FLT1: variants seen among roughly 807,000 people sequenced by gnomAD.
FLT1 encodes vascular endothelial growth factor receptor 1.
FLT1 carries 49 observed loss-of-function variants against 156.3 expected under a neutral mutation model. The ratio of observed to expected loss-of-function variants is 0.31; its 90% CI spans 0.25 to 0.40. The LOEUF (loss-of-function observed/expected upper bound fraction) is 0.40. Ranked by LOEUF, FLT1 falls within the 10% of genes least tolerant of loss-of-function variation. The probability of loss-of-function intolerance (pLI) is 1.00; values close to 1 mark genes in which losing one functional copy is unlikely to be tolerated. For missense variants in FLT1, 1,322 were observed against 1,637.2 expected, an observed-to-expected ratio of 0.81 and a Z score of 3.32; for synonymous variants, 594 against 583.8, an observed-to-expected ratio of 1.02 and a Z score of -0.25.
At chr13:28,462,108 A>T (rs1194603785) in intron 3 of FLT1, among the ~76,000 whole-genome samples, 4 of 152,144 alleles carry the variant, frequency 2.6e-5, no homozygotes, top group Non-Finnish European at 4.4e-5. Context: ...ACGGCTGGTG[A>T]GAGAGAGATA....
intron 14 of FLT1, among the ~76,000 whole-genome samples, chr13:28,358,534 C>A (rs1388563044): frequency 6.6e-6 from 1 of 152,116 alleles, no homozygotes; most frequent in Admixed American, 6.5e-5. Context: ...AATTTTCAGA[C>A]CCCTGAAAGG....
chr13:28,454,692 A>T (rs769863081), intron 3 of FLT1, among the ~76,000 whole-genome samples: 1 of 152,218 alleles, frequency 6.6e-6, no homozygotes, highest in Non-Finnish European at 1.5e-5. Context: ...TACAGATTGG[A>T]AAAGAAAAAA....
chr13:28,448,795 C>A (rs551340379), intron 3 of FLT1, among the ~76,000 whole-genome samples: 1 of 152,254 alleles, frequency 6.6e-6, no homozygotes, highest in East Asian at 1.9e-4. Flanking sequence ...GAGGTTTAGT[C>A]TCTTTCTTAG....
intron 10 of FLT1, among the ~76,000 whole-genome samples, chr13:28,407,093 C>A (rs923991204): frequency 6.6e-6 from 1 of 152,168 alleles, no homozygotes; most frequent in East Asian, 1.9e-4. Flanking sequence ...GCTGGGCCAA[C>A]AGCTACAGGA....
chr13:28,452,117 T>C (rs924703177), intron 3 of FLT1, among the ~76,000 whole-genome samples: 8 of 152,214 alleles, frequency 5.3e-5, no homozygotes, highest in Admixed American at 6.5e-5. Flanking sequence ...GCCAGCTGAA[T>C]CCAGCCTGCA....
At chr13:28,402,941 G>A (rs980003178) in intron 11 of FLT1, among the ~76,000 whole-genome samples, 7 of 151,922 alleles carry the variant, frequency 4.6e-5, no homozygotes, top group East Asian at 1.9e-4. Context: ...CACTACGCCC[G>A]GCTAATTTTT....
chr13:28,392,430 A>G (rs1049106403), intron 12 of FLT1, among the ~76,000 whole-genome samples: 2 of 152,210 alleles, frequency 1.3e-5, no homozygotes, highest in East Asian at 3.8e-4. Flanking sequence ...CAACTTTTAC[A>G]CAGATAGTAG....
At chr13:28,488,433 G>C (rs1881287782) in intron 1 of FLT1, among the ~76,000 whole-genome samples, 1 of 152,016 alleles carries the variant, frequency 6.6e-6, no homozygotes, top group Non-Finnish European at 1.5e-5. Context: ...CACCAGAACT[G>C]ACTTTGGATC....
chr13:28,302,944 A>C lies in FLT1; in HGVS notation c.*223T>G. 1.7e-6 allele frequency: 1 copy of C among 571,540 alleles called. No individual in the cohort carries two copies. Among genetic ancestry groups the C allele is most frequent in the Non-Finnish European group, 3.1e-6 (1 of 320,572 alleles). 35.4% of individuals were successfully genotyped at this position (571,540 alleles called of 1,614,324 possible). Reference sequence around the variant, plus strand: ...GATTTCTCTAACACTGAGTAACATGAGGATTTAGCAGTAGTGTTCTTCACT... The same window carrying C: ...GATTTCTCTAACACTGAGTAACATGCGGATTTAGCAGTAGTGTTCTTCACT... On this transcript the variant is annotated 3_prime_UTR_variant, in exon 30 of 30. Coordinates refer to ENST00000282397, the MANE Select transcript of FLT1 (RefSeq NM_002019.4).
Position 28,334,112 on chromosome 13 carries a change from CT to C in FLT1, c.2505del (p.Ala837LeufsTer24). The part of the protein sequence containing the change: ...ERLKLGKSLG[R>X]GAFGKVVQAS... ...GCTTGAACCACTTTTCCAAAAGCCC[CT>C]CTTCCAAGTGATTTGCCTGTAATGA... On this transcript the variant is annotated frameshift_variant, in exon 18 of 30. Coordinates refer to ENST00000282397, the MANE Select transcript of FLT1 (RefSeq NM_002019.4). LOFTEE classifies it high-confidence loss of function. 6 of 1,612,956 alleles carry C rather than the reference CT, an allele frequency of 3.7e-6. No individual in the cohort carries two copies. The highest frequency in any genetic ancestry group is 4.2e-6 in the Non-Finnish European group (5 of 1,178,882).
At chr13:28,403,236 G>A (rs1427688655) in intron 11 of FLT1, among the ~76,000 whole-genome samples, 3 of 152,160 alleles carry the variant, frequency 2.0e-5, no homozygotes, top group Non-Finnish European at 2.9e-5. Context: ...AGGAAGTGTC[G>A]TAGTTTGACT....
chr13:28,433,685 C>T, intron 6 of FLT1, 134 bp downstream of exon 6: 2 of 847,584 alleles, frequency 2.4e-6, no homozygotes, highest in Non-Finnish European at 4.0e-6. Context: ...TCAAACCAAA[C>T]CCAAAGCTTC....
At chr13:28,474,758 C>G (rs1375973157) in intron 1 of FLT1, among the ~76,000 whole-genome samples, 3 of 152,080 alleles carry the variant, frequency 2.0e-5, no homozygotes, top group Non-Finnish European at 4.4e-5. Context: ...GGTTGCACAA[C>G]TCTTGAATGG....
intron 3 of FLT1, among the ~76,000 whole-genome samples, chr13:28,458,786 T>A (rs1241246350): frequency 6.6e-6 from 1 of 152,096 alleles, no homozygotes; most frequent in Non-Finnish European, 1.5e-5. Context: ...TGGTTAAGAG[T>A]TAAGTTACTG....
intron 12 of FLT1, among the ~76,000 whole-genome samples, chr13:28,393,610 A>G (rs1029806271): frequency 3.9e-5 from 6 of 152,286 alleles, no homozygotes; most frequent in Middle Eastern, 3.4e-3. Flanking sequence ...GTTTTGAGGC[A>G]GGCTCTCGCT....
At chr13:28,414,876 G>T (rs557888319) in intron 10 of FLT1, among the ~76,000 whole-genome samples, 2 of 152,166 alleles carry the variant, frequency 1.3e-5, no homozygotes, top group Admixed American at 6.5e-5. Flanking sequence ...CTGAAAAAGG[G>T]GCTCTAGTGA....
In FLT1 at chr13:28,342,265, G is replaced by A. The variant is rs568696168; in HGVS notation, c.2356-2965C>T. On this transcript the variant is annotated intron_variant, in intron 16 of 29. Coordinates refer to ENST00000282397, the MANE Select transcript of FLT1 (RefSeq NM_002019.4). ...CGCTCTGGGGAGTAGGAAGGACTAG[G>A]GCGGGCTGTTTTTCTGCTTCTTTCC... 2.0e-5 allele frequency among the ~76,000 whole-genome samples: 3 copies of A among 152,194 alleles called. No individual in the cohort carries two copies. In the East Asian group the frequency reaches 5.8e-4, roughly 29 times the overall value.
chr13:28,317,698 C>A, intron 24 of FLT1, 101 bp from the exon 25 acceptor site: 2 of 767,938 alleles, frequency 2.6e-6, no homozygotes, highest in South Asian at 2.8e-5. Context: ...TTTAAAGCTA[C>A]GTTTTAGTAA....
intron 25 of FLT1, among the ~76,000 whole-genome samples, chr13:28,313,214 A>G (rs1593670818): frequency 6.6e-6 from 1 of 152,148 alleles, no homozygotes; most frequent in African/African-American, 2.4e-5. Flanking sequence ...CCTGGCCTCA[A>G]TTGATTCACC....
Sources: allele counts gnomAD v4.1 joint callset (sites outside exome capture counted in the v4.1 genomes callset), GRCh38; gene constraint gnomAD v4.1.1; transcripts MANE v1.5; gene names NCBI Gene and HGNC (gene_info 2026-07-23, HGNC 2026-07-21).